LAMA3: variants seen among roughly 807,000 people sequenced by gnomAD.
LAMA3 encodes the protein laminin subunit alpha-3.
In LAMA3, 281 loss-of-function variants were observed where a neutral mutation model predicts 402.0. The ratio of observed to expected loss-of-function variants is 0.70; its 90% CI spans 0.63 to 0.77. LAMA3 has a LOEUF of 0.77. Ranked by LOEUF, LAMA3 falls within the 30% of genes least tolerant of loss-of-function variation. The pLI, the probability that LAMA3 is intolerant of heterozygous loss-of-function variation, is 0.00. For missense variants in LAMA3, 3,840 were observed against 4,215.5 expected (o/e 0.91, Z 2.47); for synonymous variants, 1,431 against 1,558.4 (o/e 0.92, Z 1.93).
At chr18:23,903,457 AT>A (rs1372102569) in intron 49 of LAMA3, among the ~76,000 whole-genome samples, 3 of 152,188 alleles carry the variant, frequency 2.0e-5, no homozygotes, top group Non-Finnish European at 4.4e-5. Flanking sequence ...AACTGACACA[AT>A]TTTTTAGCAG....
chr18:23,812,063 T>C (rs544998395), intron 13 of LAMA3, among the ~76,000 whole-genome samples: 100 of 151,976 alleles, frequency 6.6e-4, no homozygotes, highest in Admixed American at 1.0e-3. Flanking sequence ...TTAGTAGAGA[T>C]GGGGTTTCAC....
At chr18:23,944,014 T>C in intron 69 of LAMA3, 43 bp downstream of exon 69, 7 of 1,589,120 alleles carry the variant, frequency 4.4e-6, no homozygotes, top group Non-Finnish European at 6.0e-6. Flanking sequence ...TGGTGTGGAA[T>C]TCACTGTTGG....
intron 37 of LAMA3, among the ~76,000 whole-genome samples, chr18:23,868,564 G>T (rs2064424909): frequency 6.6e-6 from 1 of 152,014 alleles, no homozygotes; most frequent in Admixed American, 6.6e-5. Context: ...GTGAGCCATG[G>T]TCACGCTACT....
intron 12 of LAMA3, among the ~76,000 whole-genome samples, chr18:23,806,806 G>A (rs952714078): frequency 6.6e-6 from 1 of 152,196 alleles, no homozygotes; most frequent in African/African-American, 2.4e-5. Flanking sequence ...AGGAGATAAG[G>A]ATTTCTTTCT....
chr18:23,723,064 A>G (rs1363844875), intron 2 of LAMA3, among the ~76,000 whole-genome samples: 3 of 152,180 alleles, frequency 2.0e-5, no homozygotes, highest in Non-Finnish European at 4.4e-5. Flanking sequence ...AGAAGTTGTC[A>G]TTGATCCTCT....
intron 2 of LAMA3, among the ~76,000 whole-genome samples, chr18:23,746,908 C>T (rs2061660913): frequency 6.6e-6 from 1 of 151,304 alleles, no homozygotes; most frequent in African/African-American, 2.4e-5. Flanking sequence ...ACTTACCATA[C>T]TACTGTTTGT....
chr18:23,776,591 T>A (rs2062324274), intron 10 of LAMA3, among the ~76,000 whole-genome samples: 2 of 152,154 alleles, frequency 1.3e-5, no homozygotes, highest in African/African-American at 2.4e-5. Flanking sequence ...CTATCAGATG[T>A]TTCCTGGCCC....
At chr18:23,757,788 T>A (rs1341664383) in intron 6 of LAMA3, among the ~76,000 whole-genome samples, 1 of 152,250 alleles carries the variant, frequency 6.6e-6, no homozygotes, top group South Asian at 2.1e-4. Context: ...TAACTTGGAA[T>A]GTTAAGGCAG....
intron 44 of LAMA3, among the ~76,000 whole-genome samples, chr18:23,897,889 A>C (rs1411086236): frequency 6.6e-6 from 1 of 152,246 alleles, no homozygotes; most frequent in Non-Finnish European, 1.5e-5. Context: ...GCAGCTAAAT[A>C]CGATAATCCC....
intron 8 of LAMA3, among the ~76,000 whole-genome samples, chr18:23,766,641 C>A (rs2143786321): frequency 6.6e-6 from 1 of 152,264 alleles, no homozygotes; most frequent in Non-Finnish European, 1.5e-5. Context: ...AGTTTGAGAC[C>A]AGCCTGGCCA....
At chr18:23,720,024 T>A (rs1225146103) in intron 2 of LAMA3, among the ~76,000 whole-genome samples, 1 of 152,244 alleles carries the variant, frequency 6.6e-6, no homozygotes, top group African/African-American at 2.4e-5. Context: ...CACTACATGA[T>A]GTTTTGCTTC....
intron 1 of LAMA3, among the ~76,000 whole-genome samples, chr18:23,690,229 G>A (rs1470941616): frequency 6.6e-6 from 1 of 152,230 alleles, no homozygotes. Context: ...TCAGGTTCGG[G>A]CTGGTGGAGG....
In LAMA3 at chr18:23,853,959, G is replaced by A. The variant is rs373104872; in HGVS notation, c.4137-3885G>A. 5.3e-5 allele frequency among the ~76,000 whole-genome samples: 8 copies of A among 152,338 alleles called. No individual in the cohort carries two copies. The East Asian group carries it at 9.6e-4, about 18-fold the overall frequency. On this transcript the variant is annotated intron_variant, in intron 32 of 74. Coordinates refer to ENST00000313654, the MANE Select transcript of LAMA3 (RefSeq NM_198129.4). Reference sequence around the variant, plus strand: ...ACCAAAAACTGTCTTTGCACAGGATGCATAACTCAATTATCTAAACATTGC... The same window carrying A: ...ACCAAAAACTGTCTTTGCACAGGATACATAACTCAATTATCTAAACATTGC...
At chr18:23,922,303 G>T (rs906126135) in intron 62 of LAMA3, among the ~76,000 whole-genome samples, 2 of 152,210 alleles carry the variant, frequency 1.3e-5, no homozygotes, top group South Asian at 4.1e-4. Context: ...GCTCCCAGAA[G>T]GTTAGGTTAT....
At chr18:23,881,618 T>C (rs1239511283) in intron 39 of LAMA3, among the ~76,000 whole-genome samples, 2 of 152,196 alleles carry the variant, frequency 1.3e-5, no homozygotes, top group Non-Finnish European at 2.9e-5. Flanking sequence ...ATAAGTAAAA[T>C]TGATACAATT....
At chr18:23,720,401 C>T (rs2061188333) in intron 2 of LAMA3, among the ~76,000 whole-genome samples, 1 of 152,256 alleles carries the variant, frequency 6.6e-6, no homozygotes, top group Middle Eastern at 3.4e-3. Flanking sequence ...TGTCACCAGG[C>T]TGGAGTGCAG....
intron 1 of LAMA3, among the ~76,000 whole-genome samples, chr18:23,695,776 G>C (rs1184904909): frequency 1.8e-5 from 2 of 109,898 alleles, no homozygotes; most frequent in Non-Finnish European, 3.3e-5. Context: ...CAGCCTGGGT[G>C]ACACAGCAAG....
chr18:23,814,636 G>A, intron 15 of LAMA3, 134 bp downstream of exon 15: 1 of 669,342 alleles, frequency 1.5e-6, no homozygotes. Flanking sequence ...ATGTTCTGAT[G>A]TTTTCCCCCC....
intron 12 of LAMA3, among the ~76,000 whole-genome samples, chr18:23,808,796 G>A (rs1001669197): frequency 5.3e-5 from 8 of 152,212 alleles, no homozygotes; most frequent in Admixed American, 2.0e-4. Context: ...GGGCTGGGCT[G>A]TCACAGAGAA....
Sources: gnomAD v4.1 joint callset for allele counts (sites outside exome capture counted in the v4.1 genomes callset) on GRCh38, gnomAD v4.1.1 for gene constraint, MANE v1.5 for transcripts, NCBI Gene and HGNC (gene_info 2026-07-23, HGNC 2026-07-21) for gene names.